AKT3: variants seen among roughly 807,000 people sequenced by gnomAD.
AKT3 encodes AKT serine/threonine kinase 3.
In AKT3, 15 loss-of-function variants were observed where a neutral mutation model predicts 65.3. That is an observed-to-expected ratio of 0.23 (90% CI 0.15 to 0.35). The LOEUF (loss-of-function observed/expected upper bound fraction) is 0.35. Ranked by LOEUF, AKT3 falls within the 10% of genes least tolerant of loss-of-function variation. The pLI is 1.00. For synonymous variants in AKT3, 206 were observed against 183.8 expected (o/e 1.12, Z -0.98); for missense variants, 243 against 576.5 (o/e 0.42, Z 5.92).
intron 2 of AKT3, among the ~76,000 whole-genome samples, chr1:243,708,929 T>C (rs1283126854): frequency 6.6e-6 from 1 of 152,008 alleles, no homozygotes; most frequent in Admixed American, 6.6e-5. Context: ...AATGTGGAGT[T>C]GAAGCACTCA....
chr1:243,809,776 C>G (rs1489507523), intron 2 of AKT3, among the ~76,000 whole-genome samples: 1 of 152,134 alleles, frequency 6.6e-6, no homozygotes, highest in African/African-American at 2.4e-5. Flanking sequence ...TGACCACATA[C>G]TTGGAAGTAA....
chr1:243,700,905 CT>C, intron 2 of AKT3, among the ~76,000 whole-genome samples: 1 of 152,186 alleles, frequency 6.6e-6, no homozygotes, highest in East Asian at 1.9e-4. Context: ...AATAAATCAT[CT>C]TTATCATGAA....
At chr1:243,763,057 T>C (rs1190739056) in intron 2 of AKT3, among the ~76,000 whole-genome samples, 1 of 152,032 alleles carries the variant, frequency 6.6e-6, no homozygotes, top group Non-Finnish European at 1.5e-5. Context: ...CTTATTACTC[T>C]AATAAAGAAA....
At chr1:243,820,248 G>C (rs999478498) in intron 2 of AKT3, among the ~76,000 whole-genome samples, 42 of 152,122 alleles carry the variant, frequency 2.8e-4, no homozygotes, top group Non-Finnish European at 1.5e-4. Flanking sequence ...CTAACAGAAA[G>C]CAACAACAGC....
intron 6 of AKT3, among the ~76,000 whole-genome samples, chr1:243,636,602 A>G (rs1679989630): frequency 1.3e-5 from 2 of 152,130 alleles, no homozygotes; most frequent in African/African-American, 4.8e-5. Context: ...ACACTGCAAG[A>G]TATTGAGCAC....
At chr1:243,598,621 G>GC (rs765655442) in intron 8 of AKT3, among the ~76,000 whole-genome samples, 6 of 152,136 alleles carry the variant, frequency 3.9e-5, no homozygotes, top group Non-Finnish European at 8.8e-5. Flanking sequence ...AAAGATGACT[G>GC]CATCTACAGC....
chr1:243,645,256 C>G (rs940758864), intron 5 of AKT3, among the ~76,000 whole-genome samples: 1 of 152,144 alleles, frequency 6.6e-6, no homozygotes, highest in Non-Finnish European at 1.5e-5. Context: ...CTCAACACCT[C>G]TATCTTTAAT....
At chr1:243,557,524 A>G (rs1673488921) in intron 10 of AKT3, among the ~76,000 whole-genome samples, 1 of 152,052 alleles carries the variant, frequency 6.6e-6, no homozygotes, top group African/African-American at 2.4e-5. Flanking sequence ...AGAGGCGTTA[A>G]TTCCATTTTA....
chr1:243,768,357 C>T lies in AKT3; in HGVS notation c.47-72641G>A, dbSNP rs112582523. Reference sequence around the variant, plus strand: ...CTTACATGTTTCCTCATTTCCATTGCTAACAGTTTTTTCACATGAGTAACT... The same window carrying T: ...CTTACATGTTTCCTCATTTCCATTGTTAACAGTTTTTTCACATGAGTAACT... On this transcript the variant is annotated intron_variant, in intron 2 of 13. Transcript: ENST00000673466. Among the ~76,000 whole-genome samples the T allele has an allele frequency of 5.0e-3, 760 of 152,154 alleles. 4 individuals are homozygous for T. Among genetic ancestry groups the T allele is most frequent in the African/African-American group, 0.017 (713 of 41,508 alleles).
At chr1:243,762,125 G>T (rs1425746558) in intron 2 of AKT3, among the ~76,000 whole-genome samples, 2 of 152,090 alleles carry the variant, frequency 1.3e-5, no homozygotes, top group African/African-American at 4.8e-5. Flanking sequence ...TTTCTGGCAT[G>T]TATTTAGTGA....
chr1:243,758,724 A>G (rs1689299062), intron 2 of AKT3, among the ~76,000 whole-genome samples: 2 of 152,208 alleles, frequency 1.3e-5, no homozygotes, highest in Admixed American at 6.5e-5. Context: ...GATCCCTCGC[A>G]TGCAGAGTTC....
At chr1:243,755,158 T>C (rs1319959275) in intron 2 of AKT3, among the ~76,000 whole-genome samples, 1 of 151,966 alleles carries the variant, frequency 6.6e-6, no homozygotes, top group East Asian at 1.9e-4. Flanking sequence ...CACCTCCGCC[T>C]CCTGGGTTCA....
At chr1:243,541,217 C>G (rs1435404526) in intron 12 of AKT3, among the ~76,000 whole-genome samples, 1 of 152,116 alleles carries the variant, frequency 6.6e-6, no homozygotes, top group African/African-American at 2.4e-5. Flanking sequence ...CTACTCACCT[C>G]TTTTACATTA....
At position 243,499,768 on chromosome 1, in the gene AKT3, C is replaced by A; in HGVS notation, c.*5481G>T. On this transcript the variant is annotated 3_prime_UTR_variant, in exon 14 of 14. Coordinates refer to ENST00000673466, the MANE Select transcript of AKT3 (RefSeq NM_005465.7). Reference sequence around the variant, plus strand: ...TTATTTTTTCCAGTTACCCAGCATGCCACAATCTGATTGCTGACCTGGATG... The same window carrying A: ...TTATTTTTTCCAGTTACCCAGCATGACACAATCTGATTGCTGACCTGGATG... 1 of 1,612,056 alleles carries A rather than the reference C, an allele frequency of 6.2e-7. No homozygotes were observed. The highest frequency in any genetic ancestry group is 8.5e-7 in the Non-Finnish European group (1 of 1,178,408).
At chr1:243,655,133 A>G (rs1163994790) in intron 4 of AKT3, among the ~76,000 whole-genome samples, 1 of 151,704 alleles carries the variant, frequency 6.6e-6, no homozygotes, top group Non-Finnish European at 1.5e-5. Flanking sequence ...CTATCCTCTT[A>G]TCTTTGCATG....
intron 10 of AKT3, among the ~76,000 whole-genome samples, chr1:243,556,776 G>C (rs1217178459): frequency 6.6e-6 from 1 of 151,986 alleles, no homozygotes; most frequent in Admixed American, 6.6e-5. Flanking sequence ...GAGCCCTTCA[G>C]ATATTCTTAA....
chr1:243,595,464 T>C (rs1676537441), intron 8 of AKT3, among the ~76,000 whole-genome samples: 1 of 152,180 alleles, frequency 6.6e-6, no homozygotes, highest in Non-Finnish European at 1.5e-5. Context: ...TGAGTTAACC[T>C]TTGCTTTCTA....
At chr1:243,575,520 G>A (rs1263678410) in intron 8 of AKT3, among the ~76,000 whole-genome samples, 3 of 151,962 alleles carry the variant, frequency 2.0e-5, no homozygotes, top group African/African-American at 4.8e-5. Flanking sequence ...CAATAAAGTG[G>A]TTTAAACAAA....
intron 4 of AKT3, among the ~76,000 whole-genome samples, chr1:243,647,946 T>C (rs1021856592): frequency 2.6e-5 from 4 of 152,214 alleles, no homozygotes; most frequent in African/African-American, 4.8e-5. Context: ...ATATTTTTAA[T>C]GAAAGTTTGT....
Sources: allele counts gnomAD v4.1 joint callset (sites outside exome capture counted in the v4.1 genomes callset), GRCh38; gene constraint gnomAD v4.1.1; transcripts MANE v1.5; gene names NCBI Gene and HGNC (gene_info 2026-07-23, HGNC 2026-07-21).